Variants in DMXL2 observed in about 807,000 individuals in gnomAD.
DMXL2 encodes the protein dmX-like protein 2.
A neutral mutation model predicts 331.1 loss-of-function variants in DMXL2; 103 were observed. That is an observed-to-expected ratio of 0.31 (90% CI 0.27 to 0.37). The LOEUF is 0.37. DMXL2 is among the 10% of genes least tolerant of loss of function. DMXL2 has a pLI of 1.00. For synonymous variants in DMXL2, 1,281 were observed against 1,252.1 expected (o/e 1.02, Z -0.49); for missense variants, 3,171 against 3,642.9 (o/e 0.87, Z 3.33).
intron 6 of DMXL2, among the ~76,000 whole-genome samples, chr15:51,557,413 C>A (rs191225476): frequency 6.6e-6 from 1 of 152,034 alleles, no homozygotes; most frequent in Admixed American, 6.6e-5. Flanking sequence ...TGTTCATAAA[C>A]GGGAAGACTA....
intron 1 of DMXL2, among the ~76,000 whole-genome samples, chr15:51,595,073 C>A (rs1044587009): frequency 5.6e-4 from 83 of 147,324 alleles, no homozygotes; most frequent in African/African-American, 2.1e-3. Context: ...CTGGCCAGGG[C>A]AATCAGGCAG....
In DMXL2 at chr15:51,568,559, C is replaced by A; in HGVS notation, c.214-1G>T. ...CAGCATTACCATATGAAGCTGCAAT[C>A]TAAAAAAGAATAAATACAGCATTAA... On this transcript the variant is annotated splice_acceptor_variant, in intron 2 of 43. Coordinates refer to ENST00000560891, the MANE Select transcript of DMXL2 (RefSeq NM_001378457.1). LOFTEE classifies it high-confidence loss of function. 1 of 1,563,882 alleles carries A rather than the reference C, an allele frequency of 6.4e-7. No homozygotes were observed. The highest frequency in any genetic ancestry group is 2.2e-5 in the Admixed American group (1 of 45,310).
intron 43 of DMXL2, among the ~76,000 whole-genome samples, chr15:51,449,555 C>G (rs866709895): frequency 6.6e-6 from 1 of 152,188 alleles, no homozygotes; most frequent in African/African-American, 2.4e-5. Flanking sequence ...GATGGTTTGA[C>G]AAGACTTTTT....
At chr15:51,608,672 A>G (rs1157725880) in intron 1 of DMXL2, among the ~76,000 whole-genome samples, 1 of 152,212 alleles carries the variant, frequency 6.6e-6, no homozygotes, top group Admixed American at 6.5e-5. Context: ...GGGTGACAAA[A>G]TAATCTGTAC....
chr15:51,476,774 C>T, intron 26 of DMXL2, 55 bp from the exon 27 acceptor site: 1 of 1,466,892 alleles, frequency 6.8e-7, no homozygotes, highest in Non-Finnish European at 9.1e-7. Flanking sequence ...AAAAATTGCA[C>T]TTTATGTATA....
intron 14 of DMXL2, among the ~76,000 whole-genome samples, chr15:51,514,780 T>C (rs888680101): frequency 7.5e-6 from 1 of 132,534 alleles, no homozygotes; most frequent in Non-Finnish European, 1.6e-5. Flanking sequence ...AATAGCAGAA[T>C]AGAAGAGCTC....
At position 51,579,299 on chromosome 15, in the gene DMXL2, T is replaced by C. The variant is rs535258048; in HGVS notation, c.88-3118A>G. Among the ~76,000 whole-genome samples, 18 of 152,244 alleles carry C rather than the reference T, an allele frequency of 1.2e-4. No individual in the cohort carries two copies. The South Asian group carries it at 2.1e-3, about 18-fold the overall frequency. On this transcript the variant is annotated intron_variant, in intron 1 of 43. Transcript: ENST00000560891. ...TGCTAGAATGGAATCTCTTAAACTA[T>C]TGCACACTAACAGCTTGAAAAAGTG...
At chr15:51,486,047 AAAAAG>A in intron 23 of DMXL2, 21 bp downstream of exon 23, 1 of 1,535,750 alleles carries the variant, frequency 6.5e-7, no homozygotes, top group Non-Finnish European at 8.8e-7. Flanking sequence ...AAAAAAGAAA[AAAAAG>A]AAATCCACAA....
intron 32 of DMXL2, among the ~76,000 whole-genome samples, chr15:51,464,267 C>A (rs186347714): frequency 3.2e-4 from 48 of 152,152 alleles, no homozygotes; most frequent in African/African-American, 1.2e-3. Context: ...TAGCCGATGG[C>A]GCTCGCCTGT....
chr15:51,500,706 C>A (rs577687414), intron 17 of DMXL2, among the ~76,000 whole-genome samples: 1 of 152,284 alleles, frequency 6.6e-6, no homozygotes, highest in South Asian at 2.1e-4. Flanking sequence ...CCAGGTGGTA[C>A]ACCAAATTTT....
chr15:51,499,094 C>G lies in DMXL2; in HGVS notation c.4130G>C (p.Gly1377Ala). The change falls in exon 18 of 44, where the codon GGT (glycine) becomes GCT (alanine). Residue 1377 changes from glycine (G) to alanine (A), a missense_variant. Physicochemically the swap from Gly to Ala is moderately conservative, Grantham distance 60 (BLOSUM62 0). Around this residue, in one of 7 missense-constraint regions of DMXL2, gnomAD observed 1,674 missense variants for 1,780.2 expected, o/e 0.94. Coordinates refer to ENST00000560891, the MANE Select transcript of DMXL2 (RefSeq NM_001378457.1). ...AGGATCTCTAACTATTGCTACTTCACCTGCAATACATTTTACTAAATGAGA... is the reference window on the plus strand; with the variant it reads ...AGGATCTCTAACTATTGCTACTTCAGCTGCAATACATTTTACTAAATGAGA... ...ILSHLVKCIA[G>A]EVAIVRDPDA... is the part of the protein sequence containing the mutation. 1 of 1,613,990 alleles carries G rather than the reference C, an allele frequency of 6.2e-7. No individual in the cohort carries two copies. Among genetic ancestry groups the G allele is most frequent in the Non-Finnish European group, 8.5e-7 (1 of 1,179,962 alleles).
At chr15:51,470,723 C>G (rs1205046279) in intron 29 of DMXL2, among the ~76,000 whole-genome samples, 2 of 152,156 alleles carry the variant, frequency 1.3e-5, no homozygotes, top group East Asian at 1.9e-4. Flanking sequence ...ATGCACCCAG[C>G]ATGGTATGAA....
At chr15:51,605,400 C>T (rs1024805824) in intron 1 of DMXL2, among the ~76,000 whole-genome samples, 2 of 151,772 alleles carry the variant, frequency 1.3e-5, no homozygotes, top group East Asian at 1.9e-4. Flanking sequence ...AGGGTTTCAC[C>T]GTGTTGGCCA....
chr15:51,566,676 T>C (rs193058659), intron 3 of DMXL2, among the ~76,000 whole-genome samples: 3 of 152,324 alleles, frequency 2.0e-5, no homozygotes, highest in East Asian at 3.9e-4. Flanking sequence ...AAAAGATATA[T>C]TCAAATACAT....
intron 1 of DMXL2, among the ~76,000 whole-genome samples, chr15:51,596,681 A>T (rs1037852489): frequency 6.6e-6 from 1 of 152,242 alleles, no homozygotes; most frequent in Non-Finnish European, 1.5e-5. Flanking sequence ...CAAATGTCCA[A>T]CAATGATAGA....
intron 16 of DMXL2, among the ~76,000 whole-genome samples, chr15:51,506,555 G>A (rs535608417): frequency 1.3e-5 from 2 of 148,728 alleles, no homozygotes; most frequent in Admixed American, 6.9e-5. Context: ...CCGGGTTCAC[G>A]CCATTCTCCT....
intron 1 of DMXL2, among the ~76,000 whole-genome samples, chr15:51,600,176 G>A (rs181269307): frequency 1.2e-4 from 19 of 152,224 alleles, no homozygotes; most frequent in Admixed American, 5.2e-4. Flanking sequence ...AAGAATCAGG[G>A]CTCAGTCACC....
chr15:51,502,415 C>T (rs1003286521), intron 17 of DMXL2, among the ~76,000 whole-genome samples: 1 of 151,556 alleles, frequency 6.6e-6, no homozygotes, highest in Admixed American at 6.6e-5. Flanking sequence ...CTCCACCTCT[C>T]GAGTTCAAGC....
At chr15:51,455,932 T>C (rs2039580246) in intron 39 of DMXL2, 134 bp downstream of exon 39, 3 of 1,013,496 alleles carry the variant, frequency 3.0e-6, no homozygotes, top group Admixed American at 2.2e-5. Flanking sequence ...AGTGTATGAA[T>C]AGACTCCAAC....
Sources: allele counts gnomAD v4.1 joint callset (sites outside exome capture counted in the v4.1 genomes callset), GRCh38; gene constraint gnomAD v4.1.1; regional missense constraint gnomAD v4.1.1; transcripts MANE v1.5; gene names NCBI Gene and HGNC (gene_info 2026-07-23, HGNC 2026-07-21).